Variants in MICU1 observed in about 807,000 individuals in gnomAD.
The protein encoded by MICU1 is mitochondrial calcium uptake 1.
Under a neutral mutation model 56.8 loss-of-function variants are expected in MICU1, and 45 were observed. The ratio of observed to expected loss-of-function variants is 0.79; its 90% CI spans 0.62 to 1.02. MICU1 has a LOEUF of 1.02. Ranked by LOEUF, MICU1 falls within the 50% of genes least tolerant of loss-of-function variation. MICU1 has a pLI of 0.00. For synonymous variants in MICU1, 186 were observed against 195.1 expected, an observed-to-expected ratio of 0.95 and a Z score of 0.39; for missense variants, 504 against 587.1, an observed-to-expected ratio of 0.86 and a Z score of 1.46.
At chr10:72,407,823 G>C in intron 10 of MICU1, 106 bp downstream of exon 10, 1 of 662,314 alleles carries the variant, frequency 1.5e-6, no homozygotes, top group Non-Finnish European at 2.5e-6. Flanking sequence ...CCATTTCAAG[G>C]ATGCCAAGAA....
intron 8 of MICU1, among the ~76,000 whole-genome samples, chr10:72,458,676 G>A (rs1244431704): frequency 6.7e-6 from 1 of 150,374 alleles, no homozygotes; most frequent in African/African-American, 2.4e-5. Context: ...GGCTCCCAGG[G>A]TCACAGAAGA....
rs11465166 is a variant in MICU1, at chr10:72,564,544, GAAAAAAA to G, written c.162-1488_162-1482del. 1.5e-3 allele frequency among the ~76,000 whole-genome samples: 166 copies of G among 107,420 alleles called. 1 individual carries two copies. Among genetic ancestry groups the G allele is most frequent in the Admixed American group, 4.6e-3 (40 of 8,752 alleles). The allele number at this position is 107,420 out of a possible 152,430, so 70.5% of individuals were successfully genotyped here. On this transcript the variant is annotated intron_variant, in intron 2 of 11. Transcript: ENST00000361114. Reference sequence around the variant, plus strand: ...ACAGAGTGAGACTCCATCTCAAAAAGAAAAAAAAAAAAAAAAAAAGAAAAGAAAAATG... The same window carrying G: ...ACAGAGTGAGACTCCATCTCAAAAAGAAAAAAAAAAAAGAAAAGAAAAATG...
At chr10:72,573,632 T>C (rs188750364) in intron 1 of MICU1, among the ~76,000 whole-genome samples, 11 of 152,324 alleles carry the variant, frequency 7.2e-5, no homozygotes, top group Admixed American at 5.2e-4. Flanking sequence ...AATTAAACTT[T>C]GTAAAATATA....
intron 1 of MICU1, among the ~76,000 whole-genome samples, chr10:72,599,123 T>C (rs57408262): frequency 0.017 from 2,584 of 152,224 alleles, 75 homozygotes; most frequent in African/African-American, 0.06. Context: ...GGCAAGCCAA[T>C]GTAGGTGGTA....
At chr10:72,459,218 C>T (rs1188036105) in intron 8 of MICU1, among the ~76,000 whole-genome samples, 1 of 152,068 alleles carries the variant, frequency 6.6e-6, no homozygotes, top group Non-Finnish European at 1.5e-5. Context: ...ATAGTCTCAA[C>T]TACTTGGGAG....
At chr10:72,480,776 T>C (rs1474939018) in intron 6 of MICU1, among the ~76,000 whole-genome samples, 4 of 152,232 alleles carry the variant, frequency 2.6e-5, no homozygotes, top group African/African-American at 9.6e-5. Flanking sequence ...TATCAGGATC[T>C]TGTAGTCTTA....
intron 6 of MICU1, among the ~76,000 whole-genome samples, chr10:72,484,318 T>C (rs567941323): frequency 2.6e-5 from 4 of 151,894 alleles, no homozygotes; most frequent in Non-Finnish European, 5.9e-5. Flanking sequence ...ATTAATGATA[T>C]GTAAATGCAT....
At chr10:72,548,369 A>G (rs1172740782) in intron 4 of MICU1, among the ~76,000 whole-genome samples, 1 of 152,242 alleles carries the variant, frequency 6.6e-6, no homozygotes, top group Non-Finnish European at 1.5e-5. Context: ...TGTAACAGTT[A>G]TTTTTTAGAT....
intron 8 of MICU1, among the ~76,000 whole-genome samples, chr10:72,457,372 C>T (rs1002171396): frequency 6.6e-5 from 9 of 135,644 alleles, no homozygotes; most frequent in East Asian, 2.0e-4. Context: ...TATATGCCAC[C>T]GTGCTTGGCC....
chr10:72,502,074 GCA>G (rs1564905805), intron 6 of MICU1, among the ~76,000 whole-genome samples: 1 of 151,750 alleles, frequency 6.6e-6, no homozygotes, highest in East Asian at 1.9e-4. Flanking sequence ...ATCCATTAGA[GCA>G]CAGTGTTCAT....
At chr10:72,593,774 A>T (rs1057095835) in intron 1 of MICU1, among the ~76,000 whole-genome samples, 1 of 152,230 alleles carries the variant, frequency 6.6e-6, no homozygotes, top group South Asian at 2.1e-4. Context: ...TTCCGTTTAC[A>T]ATGGCACCAA....
At chr10:72,528,167 C>T (rs942830893) in intron 5 of MICU1, among the ~76,000 whole-genome samples, 31 of 152,156 alleles carry the variant, frequency 2.0e-4, no homozygotes, top group African/African-American at 7.0e-4. Flanking sequence ...CCACTGACAA[C>T]CAATGAGTGA....
chr10:72,427,262 T>C (rs963254515), intron 8 of MICU1, among the ~76,000 whole-genome samples: 2 of 152,170 alleles, frequency 1.3e-5, no homozygotes, highest in Non-Finnish European at 2.9e-5. Context: ...AACTGCAAGG[T>C]TTTTCCTGGC....
At chr10:72,555,482 T>C (rs1840136982) in intron 3 of MICU1, among the ~76,000 whole-genome samples, 1 of 152,172 alleles carries the variant, frequency 6.6e-6, no homozygotes, top group African/African-American at 2.4e-5. Flanking sequence ...ACTCCTCCAT[T>C]TTTAACGGCA....
At chr10:72,577,585 T>A (rs763422754) in intron 1 of MICU1, among the ~76,000 whole-genome samples, 24 of 151,734 alleles carry the variant, frequency 1.6e-4, no homozygotes, top group Non-Finnish European at 2.5e-4. Flanking sequence ...GAAGAAGTCA[T>A]TGCATATGCG....
chr10:72,590,790 G>C (rs965086633), intron 1 of MICU1, among the ~76,000 whole-genome samples: 2 of 151,388 alleles, frequency 1.3e-5, no homozygotes, highest in Non-Finnish European at 2.9e-5. Flanking sequence ...TCCAGCCTGG[G>C]AGACAGAGTG....
Position 72,569,219 on chromosome 10 carries a change from ATATATATATATATATATAT to A in MICU1, c.-1-2444_-1-2426del, listed in dbSNP as rs1304848545. 1.2e-3 allele frequency among the ~76,000 whole-genome samples: 45 copies of A among 37,726 alleles called. 1 individual carries two copies. The highest frequency in any genetic ancestry group is 5.6e-3 in the African/African-American group (44 of 7,834). The allele number at this position is 37,726 out of a possible 152,430, so 24.7% of individuals were successfully genotyped here. On this transcript the variant is annotated intron_variant, in intron 1 of 11. Coordinates refer to ENST00000361114, the MANE Select transcript of MICU1 (RefSeq NM_001195518.2). ...ATCATATATATGCATATATATATAT[ATATATATATATATATATAT>A]TTTTTTTTTTTTTTGAGATGGCGTC...
chr10:72,444,486 G>C (rs1373590107), intron 8 of MICU1, among the ~76,000 whole-genome samples: 2 of 82,604 alleles, frequency 2.4e-5, no homozygotes, highest in Non-Finnish European at 4.4e-5. Flanking sequence ...GTGTTGTTCT[G>C]TCCCCCAGGC....
intron 9 of MICU1, among the ~76,000 whole-genome samples, chr10:72,413,386 T>C (rs1186261770): frequency 6.6e-6 from 1 of 151,740 alleles, no homozygotes; most frequent in Non-Finnish European, 1.5e-5. Context: ...AATGAGAAAA[T>C]AGAAAAATCA....
Sources: allele counts gnomAD v4.1 joint callset (sites outside exome capture counted in the v4.1 genomes callset), GRCh38; gene constraint gnomAD v4.1.1; transcripts MANE v1.5; gene names NCBI Gene and HGNC (gene_info 2026-07-23, HGNC 2026-07-21).